Variants in ENTREP2 observed in about 807,000 individuals in gnomAD.
ENTREP2 encodes protein ENTREP2.
the ENTREP2 span, among the ~76,000 whole-genome samples, chr15:29,159,000 G>T: frequency 6.7e-6 from 1 of 149,414 alleles, no homozygotes; most frequent in Non-Finnish European, 1.5e-5. Context: ...CATACATATA[G>T]CCTACACGTT....
the ENTREP2 span, among the ~76,000 whole-genome samples, chr15:29,585,219 C>T: frequency 6.6e-6 from 1 of 152,166 alleles, no homozygotes; most frequent in Non-Finnish European, 1.5e-5. Flanking sequence ...TCCTTATATA[C>T]TTTTATACCC....
chr15:29,253,769 C>T, the ENTREP2 span, among the ~76,000 whole-genome samples: 6 of 151,682 alleles, frequency 4.0e-5, no homozygotes, highest in Non-Finnish European at 8.8e-5. Context: ...GTGATGTTAG[C>T]GGCCATTTTT....
At chr15:29,591,814 T>A in the ENTREP2 span, among the ~76,000 whole-genome samples, 1 of 131,880 alleles carries the variant, frequency 7.6e-6, no homozygotes, top group Non-Finnish European at 1.6e-5. Context: ...GGTGACAGAG[T>A]GAGACCCCAT....
chr15:29,627,130 G>C, the ENTREP2 span, among the ~76,000 whole-genome samples: 1 of 152,144 alleles, frequency 6.6e-6, no homozygotes, highest in African/African-American at 2.4e-5. Flanking sequence ...TGCTTTAGCT[G>C]CATGTCACAA....
At chr15:29,501,814 A>G in the ENTREP2 span, among the ~76,000 whole-genome samples, 1 of 152,068 alleles carries the variant, frequency 6.6e-6, no homozygotes, top group Non-Finnish European at 1.5e-5. Context: ...TAAAGCTAAT[A>G]AATTTGGCAA....
chr15:29,449,023 A>G, the ENTREP2 span, among the ~76,000 whole-genome samples: 67 of 152,268 alleles, frequency 4.4e-4, no homozygotes, highest in African/African-American at 1.5e-3. Flanking sequence ...AGAAACAAAC[A>G]CTGTTACTGC....
At chr15:29,257,237 G>T in the ENTREP2 span, among the ~76,000 whole-genome samples, 2 of 151,828 alleles carry the variant, frequency 1.3e-5, no homozygotes, top group Non-Finnish European at 2.9e-5. Context: ...CCACACCGGG[G>T]TAATTTTGTA....
chr15:29,595,328 G>A, the ENTREP2 span, among the ~76,000 whole-genome samples: 5 of 152,102 alleles, frequency 3.3e-5, no homozygotes, highest in African/African-American at 7.2e-5. Context: ...AATTACTGAA[G>A]TAGCATAGAG....
At chr15:29,600,914 T>TTTTTTTTTTTTTTTTTTTTTTTTTTA in the ENTREP2 span, among the ~76,000 whole-genome samples, 2 of 144,188 alleles carry the variant, frequency 1.4e-5, no homozygotes, top group Admixed American at 7.0e-5. Context: ...TTTTTTTTTT[T>TTTTTTTTTTTTTTTTTTTTTTTTTTA]TGAGACAGAG....
At chr15:29,493,369 G>T in the ENTREP2 span, among the ~76,000 whole-genome samples, 1 of 151,148 alleles carries the variant, frequency 6.6e-6, no homozygotes, top group Admixed American at 6.6e-5. Context: ...TCCTGACCTC[G>T]TGATCCGCCC....
the ENTREP2 span, chr15:29,234,509 C>A: frequency 7.1e-7 from 1 of 1,415,812 alleles, no homozygotes; most frequent in Non-Finnish European, 1.0e-6. Context: ...ATAAGAACAA[C>A]CAACGGCAAG....
the ENTREP2 span, among the ~76,000 whole-genome samples, chr15:29,262,554 C>T: frequency 2.0e-5 from 3 of 152,228 alleles, no homozygotes; most frequent in African/African-American, 4.8e-5. Flanking sequence ...GCTCAACATG[C>T]GGTGGTTCCG....
chr15:29,535,310 A>G, the ENTREP2 span, among the ~76,000 whole-genome samples: 9 of 152,210 alleles, frequency 5.9e-5, no homozygotes, highest in Non-Finnish European at 1.2e-4. Flanking sequence ...AGTGTCCCTT[A>G]TAACATTCTC....
the ENTREP2 span, among the ~76,000 whole-genome samples, chr15:29,660,606 A>G: frequency 3.3e-5 from 5 of 152,366 alleles, no homozygotes; most frequent in South Asian, 1.0e-3. Context: ...TCAAAATTGA[A>G]TCAAATTAAA....
the ENTREP2 span, among the ~76,000 whole-genome samples, chr15:29,392,667 G>T: frequency 2.6e-5 from 4 of 152,068 alleles, no homozygotes; most frequent in African/African-American, 9.7e-5. Context: ...AATCTTCTTT[G>T]AGAGATACTG....
At chr15:29,378,911 G>A in the ENTREP2 span, among the ~76,000 whole-genome samples, 1 of 152,086 alleles carries the variant, frequency 6.6e-6, no homozygotes, top group Non-Finnish European at 1.5e-5. Context: ...CATCTATTGT[G>A]AATGCCTTTA....
At chr15:29,475,690 G>T in the ENTREP2 span, among the ~76,000 whole-genome samples, 3 of 152,086 alleles carry the variant, frequency 2.0e-5, no homozygotes, top group Non-Finnish European at 2.9e-5. Context: ...TTGAAGGGCC[G>T]TACCATCCCG....
At chr15:29,339,727 C>G in the ENTREP2 span, among the ~76,000 whole-genome samples, 2 of 152,214 alleles carry the variant, frequency 1.3e-5, no homozygotes, top group African/African-American at 4.8e-5. Context: ...ATATAAAGAA[C>G]TGTCACTGTA....
chr15:29,380,130 C>G, the ENTREP2 span, among the ~76,000 whole-genome samples: 1 of 152,072 alleles, frequency 6.6e-6, no homozygotes, highest in African/African-American at 2.4e-5. Context: ...TCTGTTGAAG[C>G]CAGAAGAGGA....
Sources: allele counts gnomAD v4.1 joint callset (sites outside exome capture counted in the v4.1 genomes callset), GRCh38; gene constraint gnomAD v4.1.1; transcripts MANE v1.5; gene names NCBI Gene and HGNC (gene_info 2026-07-23, HGNC 2026-07-21).